The following MDGA1 variants were observed in gnomAD, a reference collection of about 807,000 sequenced individuals.
MDGA1 encodes MAM domain-containing glycosylphosphatidylinositol anchor protein 1.
MDGA1 carries 54 observed loss-of-function variants against 101.5 expected under a neutral mutation model. That is an observed-to-expected ratio of 0.53 (90% CI 0.43 to 0.67). The LOEUF is 0.67. Ranked by LOEUF, MDGA1 falls within the 30% of genes least tolerant of loss-of-function variation. The pLI, the probability that MDGA1 is intolerant of heterozygous loss-of-function variation, is 0.00. For missense variants in MDGA1, 1,083 were observed against 1,323.8 expected, an observed-to-expected ratio of 0.82 and a Z score of 2.82; for synonymous variants, 533 against 558.3, an observed-to-expected ratio of 0.95 and a Z score of 0.64.
chr6:37,650,713 C>T lies in MDGA1; in HGVS notation c.1313-308G>A, dbSNP rs559742343. Among the ~76,000 whole-genome samples the T allele has an allele frequency of 5.3e-5, 8 of 152,258 alleles. No homozygotes were observed. In the East Asian group the frequency reaches 7.7e-4, roughly 15 times the overall value. ...CCTCTTAAACATTTCTAAATATATC[C>T]ATTCTTGGTCCTTCTGTCCTACTCC... On this transcript the variant is annotated intron_variant, in intron 7 of 16. Coordinates refer to ENST00000434837, the MANE Select transcript of MDGA1 (RefSeq NM_153487.4).
In MDGA1 at chr6:37,655,967, G is replaced by T; in HGVS notation, c.383-71C>A. On this transcript the variant is annotated intron_variant, in intron 3 of 16. Coordinates refer to ENST00000434837, the MANE Select transcript of MDGA1 (RefSeq NM_153487.4). This position sits in a 1 kb window ranked among gnomAD's most constrained non-coding sequence, Gnocchi z 5.1. ...GGTTGGGGGGCTCAGGCTCCTGGCA[G>T]CCCTTAGGAAGAGCTGAGCCACCCT... The T allele has an allele frequency of 7.3e-7, 1 of 1,364,162 alleles. No individual in the cohort carries two copies. The highest frequency in any genetic ancestry group is 1.4e-5 in the South Asian group (1 of 69,150). The allele number at this position is 1,364,162 out of a possible 1,614,324, so 84.5% of individuals were successfully genotyped here.
chr6:37,642,700 C>T (rs1466778732), intron 14 of MDGA1, among the ~76,000 whole-genome samples: 2 of 152,146 alleles, frequency 1.3e-5, no homozygotes, highest in South Asian at 2.1e-4. Flanking sequence ...ATGACCATGC[C>T]GCGGGGTCAG....
At chr6:37,674,339 A>G (rs1292508267) in intron 1 of MDGA1, among the ~76,000 whole-genome samples, 1 of 152,232 alleles carries the variant, frequency 6.6e-6, no homozygotes, top group Non-Finnish European at 1.5e-5. Context: ...ACCACAATTG[A>G]ATGCAAAAAC....
chr6:37,692,441 G>A (rs1405132426), intron 1 of MDGA1, among the ~76,000 whole-genome samples: 1 of 151,910 alleles, frequency 6.6e-6, no homozygotes, highest in South Asian at 2.1e-4. Flanking sequence ...GGGGCAGGGG[G>A]GAGTGGCAGG....
chr6:37,675,183 G>A (rs1428182009), intron 1 of MDGA1, among the ~76,000 whole-genome samples: 1 of 152,220 alleles, frequency 6.6e-6, no homozygotes, highest in Non-Finnish European at 1.5e-5. Flanking sequence ...ATCTGAGAGG[G>A]CTGCTCAACG....
intron 14 of MDGA1, among the ~76,000 whole-genome samples, chr6:37,642,392 G>A (rs1028168005): frequency 4.6e-5 from 7 of 151,780 alleles, no homozygotes; most frequent in Non-Finnish European, 7.4e-5. Flanking sequence ...GGCTGGTCTC[G>A]AACTCTTGAT....
chr6:37,696,911 T>C lies in MDGA1; in HGVS notation c.-100A>G. 1 of 952,576 alleles carries C rather than the reference T, an allele frequency of 1.0e-6. No individual in the cohort carries two copies. Among genetic ancestry groups the C allele is most frequent in the South Asian group, 1.4e-5 (1 of 71,724 alleles). The allele number at this position is 952,576 out of a possible 1,614,324, so 59.0% of individuals were successfully genotyped here. A position where few individuals can be genotyped will look rare whatever the true frequency, so the allele number is the denominator to read the frequency against. Reference sequence around the variant, plus strand: ...CGCGACGCCCCTATGTCCCCCCCTTTCCCTGAGAGGTGAGAGAGAGAGCGG... The same window carrying C: ...CGCGACGCCCCTATGTCCCCCCCTTCCCCTGAGAGGTGAGAGAGAGAGCGG... On this transcript the variant is annotated 5_prime_UTR_variant, in exon 1 of 17. Coordinates refer to ENST00000434837, the MANE Select transcript of MDGA1 (RefSeq NM_153487.4). This position sits in a 1 kb window ranked among gnomAD's most constrained non-coding sequence, Gnocchi z 5.6.
At chr6:37,637,669 A>C (rs1004691793) in intron 16 of MDGA1, among the ~76,000 whole-genome samples, 3 of 152,144 alleles carry the variant, frequency 2.0e-5, no homozygotes, top group African/African-American at 7.2e-5. Context: ...GCCAGGGTTC[A>C]CATTCACTAA....
chr6:37,686,662 G>A (rs1379236706), intron 1 of MDGA1, among the ~76,000 whole-genome samples: 1 of 152,060 alleles, frequency 6.6e-6, no homozygotes. Flanking sequence ...CCTGACCTCA[G>A]GAGATCCACC....
chr6:37,639,054 TG>T (rs1171210596), intron 14 of MDGA1: 5 of 212,368 alleles, frequency 2.4e-5, no homozygotes, highest in Non-Finnish European at 4.9e-5. Flanking sequence ...AAGAAAACAG[TG>T]TGTCCCTGTT....
rs201972128 is a variant in MDGA1 at position 37,637,350 on chromosome 6, G to T, written c.*18C>A. On this transcript the variant is annotated 3_prime_UTR_variant, in exon 17 of 17. Coordinates refer to ENST00000434837, the MANE Select transcript of MDGA1 (RefSeq NM_153487.4). ...GTGTGCCGGGGGCAAGGTTGGGGGG[G>T]TGGCCACACAGCTCTCATCATCTCT... The T allele has an allele frequency of 3.9e-4, 625 of 1,596,888 alleles. No homozygotes were observed. Among genetic ancestry groups the T allele is most frequent in the South Asian group, 5.6e-4 (51 of 90,462 alleles).
At chr6:37,664,920 CCTCCCTGA>C (rs1761713957) in intron 1 of MDGA1, among the ~76,000 whole-genome samples, 1 of 148,710 alleles carries the variant, frequency 6.7e-6, no homozygotes, top group Non-Finnish European at 1.5e-5. Flanking sequence ...TGCACATTGC[CCTCCCTGA>C]AGGCCTTCAT....
rs1761220925 is a variant in MDGA1 at position 37,647,066 on chromosome 6, G to A, written c.2046+107C>T. 7.8e-6 allele frequency: 8 copies of A among 1,021,118 alleles called. No individual in the cohort carries two copies. In the African/African-American group the frequency reaches 8.0e-5, roughly 10 times the overall value. 63.3% of individuals were successfully genotyped at this position (1,021,118 alleles called of 1,614,324 possible). ...AAGAATTGCCTCTAAAAGGGTCAAC[G>A]TGTCTAAGCCCCATCTCCGACCCTT... On this transcript the variant is annotated intron_variant, in intron 10 of 16. Transcript: ENST00000434837.
intron 6 of MDGA1, among the ~76,000 whole-genome samples, chr6:37,653,990 A>G (rs1216193819): frequency 6.6e-6 from 1 of 152,124 alleles, no homozygotes; most frequent in Admixed American, 6.5e-5. Context: ...AAAAAAATGT[A>G]GGTAATCAAT....
chr6:37,677,540 CAGG>C (rs1762006860), intron 1 of MDGA1, among the ~76,000 whole-genome samples: 1 of 152,086 alleles, frequency 6.6e-6, no homozygotes, highest in African/African-American at 2.4e-5. Context: ...CAGTCAATAG[CAGG>C]AGACGTGTGT....
chr6:37,641,223 T>C (rs1010380498), intron 14 of MDGA1, among the ~76,000 whole-genome samples: 2 of 152,072 alleles, frequency 1.3e-5, no homozygotes, highest in African/African-American at 2.4e-5. Context: ...CACCAGGGGG[T>C]CTGTCTATCT....
intron 1 of MDGA1, among the ~76,000 whole-genome samples, chr6:37,666,129 C>T (rs1217117196): frequency 3.3e-5 from 5 of 149,974 alleles, no homozygotes; most frequent in African/African-American, 1.2e-4. Context: ...GGGTGGATCA[C>T]GAGGTCAGGA....
intron 2 of MDGA1, among the ~76,000 whole-genome samples, chr6:37,660,462 T>A (rs985420056): frequency 6.6e-6 from 1 of 152,188 alleles, no homozygotes; most frequent in Non-Finnish European, 1.5e-5. Flanking sequence ...CTGGACTCCA[T>A]TGGAAATGCA....
At position 37,680,909 on chromosome 6, in the gene MDGA1, A is replaced by G. The variant is rs987571366; in HGVS notation, c.67+15836T>C. Among the ~76,000 whole-genome samples, 7 of 152,290 alleles carry G rather than the reference A, an allele frequency of 4.6e-5. No homozygotes were observed. In the East Asian group the frequency reaches 1.4e-3, roughly 29 times the overall value. ...GTGTTTTGTGAAAACCAAATCCACA[A>G]CTGAGCTCTCCAGCTGAGCAGGGCC... is the stretch of plus-strand genomic sequence containing the variant. On this transcript the variant is annotated intron_variant, in intron 1 of 16. Coordinates refer to ENST00000434837, the MANE Select transcript of MDGA1 (RefSeq NM_153487.4).
Sources: allele counts gnomAD v4.1 joint callset (sites outside exome capture counted in the v4.1 genomes callset), GRCh38; gene constraint gnomAD v4.1.1; non-coding constraint Gnocchi (gnomAD v3.1); transcripts MANE v1.5; gene names NCBI Gene and HGNC (gene_info 2026-07-23, HGNC 2026-07-21).